The following KSR2 variants were observed in gnomAD, a reference collection of about 807,000 sequenced individuals.
The protein encoded by KSR2 is kinase suppressor of ras 2.
In KSR2, 25 loss-of-function variants were observed where a neutral mutation model predicts 107.8. That is an observed-to-expected ratio of 0.23 (90% CI 0.17 to 0.32). The LOEUF (loss-of-function observed/expected upper bound fraction) is 0.32. Ranked by LOEUF, KSR2 falls within the 10% of genes least tolerant of loss-of-function variation. The pLI, the probability that KSR2 is intolerant of heterozygous loss-of-function variation, is 1.00. For synonymous variants in KSR2, 480 were observed against 507.0 expected, an observed-to-expected ratio of 0.95 and a Z score of 0.71; for missense variants, 887 against 1,268.9, an observed-to-expected ratio of 0.70 and a Z score of 4.57.
intron 3 of KSR2, among the ~76,000 whole-genome samples, chr12:117,793,330 C>T (rs1375235949): frequency 1.4e-5 from 2 of 144,720 alleles, no homozygotes; most frequent in African/African-American, 5.2e-5. Context: ...CACCAACATG[C>T]ACACATACAC....
intron 5 of KSR2, among the ~76,000 whole-genome samples, chr12:117,637,859 T>C (rs1286739075): frequency 6.6e-6 from 1 of 151,964 alleles, no homozygotes; most frequent in African/African-American, 2.4e-5. Flanking sequence ...TGCAAAACTG[T>C]CCTAAATGCT....
At chr12:117,656,526 A>G (rs1415169811) in intron 5 of KSR2, among the ~76,000 whole-genome samples, 3 of 152,224 alleles carry the variant, frequency 2.0e-5, no homozygotes, top group African/African-American at 7.2e-5. Context: ...AGGCAGGAGA[A>G]TCACTTGAAC....
In KSR2 at chr12:117,557,446, C is replaced by T. The variant is rs555971227; in HGVS notation, c.1393+1060G>A. On this transcript the variant is annotated intron_variant, in intron 8 of 19. Coordinates refer to ENST00000339824, the MANE Select transcript of KSR2 (RefSeq NM_173598.6). ...CTTTAAGGTGCATAGGAATTCCCTG[C>T]AGATCCTGTTTAAAAAGCAGATTCT... Among the ~76,000 whole-genome samples, 9 of 152,308 alleles carry T rather than the reference C, an allele frequency of 5.9e-5. 1 individual carries two copies. The East Asian group carries it at 1.5e-3, about 26-fold the overall frequency.
intron 8 of KSR2, 129 bp from the exon 9 acceptor site, chr12:117,555,422 A>T: frequency 2.3e-6 from 2 of 859,108 alleles, no homozygotes; most frequent in Non-Finnish European, 3.7e-6. Flanking sequence ...ACTAAAAGTG[A>T]TAATGATTCT....
chr12:117,574,892 GAAAA>G (rs35204005), intron 7 of KSR2, among the ~76,000 whole-genome samples: 3 of 115,306 alleles, frequency 2.6e-5, no homozygotes, highest in Non-Finnish European at 5.3e-5. Flanking sequence ...TGCTCTGGGT[GAAAA>G]AAAAAAAAAA....
In KSR2 at chr12:117,761,261, G is replaced by A. The variant is rs777786205; in HGVS notation, c.736C>T (p.Arg246Cys). The A allele has an allele frequency of 6.5e-6, 10 of 1,534,224 alleles. No individual in the cohort carries two copies. The highest frequency in any genetic ancestry group is 3.9e-5 in the South Asian group (3 of 77,480). The change falls in exon 4 of 20, where the codon CGT (arginine) becomes TGT (cysteine). Residue 246 changes from arginine to cysteine, a missense_variant. Coordinates refer to ENST00000339824, the MANE Select transcript of KSR2 (RefSeq NM_173598.6). ...CPPPPLESGH[R>C]SLPPSPRQRH... ...TGCCGGGGCGATGGGGGCAGGGAACGGTGGCCCGACTCCAGTGGCGGGGGC... is the reference window on the plus strand; with the variant it reads ...TGCCGGGGCGATGGGGGCAGGGAACAGTGGCCCGACTCCAGTGGCGGGGGC...
At chr12:117,886,586 GT>G (rs138308452) in intron 1 of KSR2, among the ~76,000 whole-genome samples, 1,686 of 152,210 alleles carry the variant, frequency 0.011, 31 homozygotes, top group African/African-American at 0.039. Flanking sequence ...TCTAACGCTT[GT>G]GTAAGTACAC....
chr12:117,801,526 G>T (rs1338117247), intron 3 of KSR2, among the ~76,000 whole-genome samples: 6 of 152,082 alleles, frequency 3.9e-5, no homozygotes, highest in African/African-American at 4.8e-5. Flanking sequence ...CTCAGCTTCT[G>T]GAGAGGCCTC....
In KSR2 at chr12:117,516,566, A is replaced by C. The variant is rs979060832; in HGVS notation, c.2219+8286T>G. On this transcript the variant is annotated intron_variant, in intron 14 of 19. Transcript: ENST00000339824. Reference sequence around the variant, plus strand: ...TATTATTATAGCATCATTTTATAGGAGATAAAAGTTATTGAGCACTCCAGT... The same window carrying C: ...TATTATTATAGCATCATTTTATAGGCGATAAAAGTTATTGAGCACTCCAGT... 2.6e-5 allele frequency among the ~76,000 whole-genome samples: 4 copies of C among 152,176 alleles called. No homozygotes were observed. The South Asian group carries it at 8.3e-4, about 32-fold the overall frequency.
Position 117,968,481 on chromosome 12 carries a change from T to C in KSR2, c.-226A>G, listed in dbSNP as rs1896865285. On this transcript the variant is annotated 5_prime_UTR_variant, in exon 1 of 20. Transcript: ENST00000339824. ...TTTTGGGATATCAAGCGGACTCCAT[T>C]AGAATGTCTCCTCTCTCTCTGAGTC... is the stretch of plus-strand genomic sequence containing the variant. 2.3e-6 allele frequency: 3 copies of C among 1,302,448 alleles called. No individual in the cohort carries two copies. The highest frequency in any genetic ancestry group is 2.9e-6 in the Non-Finnish European group (3 of 1,032,934). The allele number at this position is 1,302,448 out of a possible 1,614,324, so 80.7% of individuals were successfully genotyped here.
chr12:117,645,764 G>T (rs187017710), intron 5 of KSR2, among the ~76,000 whole-genome samples: 1 of 152,040 alleles, frequency 6.6e-6, no homozygotes, highest in African/African-American at 2.4e-5. Context: ...AAATACAGTG[G>T]GTGGAGAAGC....
At chr12:117,649,443 C>T (rs1186633261) in intron 5 of KSR2, among the ~76,000 whole-genome samples, 1 of 152,188 alleles carries the variant, frequency 6.6e-6, no homozygotes, top group East Asian at 1.9e-4. Flanking sequence ...ATCCAAACAC[C>T]ATACAACAGT....
chr12:117,506,600 A>G (rs1461989429), intron 14 of KSR2, among the ~76,000 whole-genome samples: 2 of 152,134 alleles, frequency 1.3e-5, no homozygotes, highest in African/African-American at 2.4e-5. Context: ...CCAAGACCAC[A>G]CACCTTTTTA....
chr12:117,478,609 T>G (rs74630922), intron 16 of KSR2, among the ~76,000 whole-genome samples: 1,629 of 152,032 alleles, frequency 0.011, 32 homozygotes, highest in African/African-American at 0.038. Context: ...TAATTTTATT[T>G]TATTTTTTTT....
In KSR2 at chr12:117,957,748, T is replaced by TACACACACAC. The variant is rs60722226; in HGVS notation, c.180+10318_180+10327dup. Among the ~76,000 whole-genome samples the TACACACACAC allele has an allele frequency of 6.3e-3, 937 of 148,104 alleles. 11 individuals are homozygous for TACACACACAC. The highest frequency in any genetic ancestry group is 0.02 in the African/African-American group (801 of 40,034). On this transcript the variant is annotated intron_variant, in intron 1 of 19. Coordinates refer to ENST00000339824, the MANE Select transcript of KSR2 (RefSeq NM_173598.6). Reference sequence around the variant, plus strand: ...TTTATCATGACTTAGAATTGTGAGTTACACACACACACACACACACACACG... The same window carrying TACACACACAC: ...TTTATCATGACTTAGAATTGTGAGTTACACACACACACACACACACACACACACACACACG...
At chr12:117,692,150 A>G (rs981733570) in intron 4 of KSR2, among the ~76,000 whole-genome samples, 1 of 152,172 alleles carries the variant, frequency 6.6e-6, no homozygotes, top group Non-Finnish European at 1.5e-5. Context: ...AACGGCACGA[A>G]GAGACGGTTC....
At chr12:117,903,318 G>A (rs1593355756) in intron 1 of KSR2, among the ~76,000 whole-genome samples, 1 of 152,330 alleles carries the variant, frequency 6.6e-6, no homozygotes, top group Non-Finnish European at 1.5e-5. Flanking sequence ...GAACAGTGTG[G>A]ATTTGCATAT....
At chr12:117,871,519 C>T (rs1330553341) in intron 1 of KSR2, among the ~76,000 whole-genome samples, 4 of 151,262 alleles carry the variant, frequency 2.6e-5, no homozygotes, top group Non-Finnish European at 5.9e-5. Flanking sequence ...ACTCAGGAGG[C>T]GGAGGTTGCA....
chr12:117,488,879 A>G (rs1485482778), intron 14 of KSR2, among the ~76,000 whole-genome samples: 1 of 152,064 alleles, frequency 6.6e-6, no homozygotes, highest in Admixed American at 6.5e-5. Context: ...AGTCTGCAGT[A>G]CCGTGTCACG....
Sources: allele counts gnomAD v4.1 joint callset (sites outside exome capture counted in the v4.1 genomes callset), GRCh38; gene constraint gnomAD v4.1.1; transcripts MANE v1.5; gene names NCBI Gene and HGNC (gene_info 2026-07-23, HGNC 2026-07-21).